The following ZNF529 variants were observed in gnomAD, a reference collection of about 807,000 sequenced individuals.
ZNF529 encodes zinc finger protein 529.
A neutral mutation model predicts 10.1 loss-of-function variants in ZNF529; 11 were observed. The observed-to-expected ratio is 1.09, with a 90% CI of 0.69 to 1.81. The LOEUF (loss-of-function observed/expected upper bound fraction) is 1.81, where lower values mean the gene tolerates loss of function less well. Among genes scored for constraint, ZNF529 ranks in the 40% most tolerant of loss-of-function variants. ZNF529 has a pLI of 0.00. For synonymous variants in ZNF529, 204 were observed against 215.7 expected (o/e 0.95, Z 0.47); for missense variants, 624 against 666.8 (o/e 0.94, Z 0.71).
Position 36,547,490 on chromosome 19 carries a change from A to G in ZNF529, c.1068T>C (p.His356=). The change falls in exon 5 of 5, where the codon CAT becomes CAC. Residue 356 remains histidine (H), a synonymous_variant. Transcript: ENST00000591340. ...GTTTCTCACCAGTGTGAATTCTCTG[A>G]TGTTCAATGAGCTGTGAACTAATTC... is the stretch of plus-strand genomic sequence containing the variant. ...VFRISSQLIE[H]QRIHTGEKPY... The G allele has an allele frequency of 1.2e-6, 2 of 1,613,434 alleles. No homozygotes were observed. Among genetic ancestry groups the G allele is most frequent in the Non-Finnish European group, 1.7e-6 (2 of 1,179,426 alleles).
At chr19:36,577,495 T>C (rs1274525556), upstream of ZNF529, 1 of 141,744 alleles carries the variant, frequency 7.1e-6, no homozygotes, top group Admixed American at 7.0e-5. Flanking sequence ...TTGTACTCTC[T>C]TTTTTTTTTT....
intron 2 of ZNF529, among the ~76,000 whole-genome samples, chr19:36,562,235 T>C (rs912956899): frequency 3.3e-5 from 5 of 151,780 alleles, no homozygotes; most frequent in African/African-American, 1.2e-4. Context: ...AAAAGAAATG[T>C]CTGCCTTATT....
chr19:36,565,987 T>G (rs1488305107), intron 2 of ZNF529, among the ~76,000 whole-genome samples: 2 of 152,142 alleles, frequency 1.3e-5, no homozygotes, highest in African/African-American at 4.8e-5. Context: ...GGTCTGGAAT[T>G]TTGTTTGTTT....
chr19:36,586,225 G>A (rs901482832), intron 2 of ZNF529, among the ~76,000 whole-genome samples: 4 of 152,110 alleles, frequency 2.6e-5, no homozygotes, highest in African/African-American at 9.7e-5. Context: ...CCACCTAATA[G>A]TACTAAAAAG....
chr19:36,584,270 GAT>G (rs1417088176), intron 2 of ZNF529, among the ~76,000 whole-genome samples: 1 of 152,138 alleles, frequency 6.6e-6, no homozygotes, highest in Non-Finnish European at 1.5e-5. Flanking sequence ...TTCAGACAAA[GAT>G]AAGGTTTTTT....
chr19:36,589,112 A>G (rs2036648499), intron 2 of ZNF529, among the ~76,000 whole-genome samples: 1 of 151,858 alleles, frequency 6.6e-6, no homozygotes, highest in African/African-American at 2.4e-5. Flanking sequence ...GGCACAGCTA[A>G]TTTTACTTTT....
chr19:36,556,029 T>G (rs2035457645), intron 3 of ZNF529, 75 bp downstream of exon 3: 3 of 1,464,148 alleles, frequency 2.0e-6, no homozygotes. Context: ...TGGTACAGGT[T>G]CTTTGACAGA....
At chr19:36,588,659 A>G (rs570790707) in intron 2 of ZNF529, among the ~76,000 whole-genome samples, 31 of 152,288 alleles carry the variant, frequency 2.0e-4, no homozygotes, top group Admixed American at 3.9e-4. Flanking sequence ...CATGACAAAT[A>G]TTAGGGAAAT....
At chr19:36,549,008 A>C (rs924523723) in intron 4 of ZNF529, among the ~76,000 whole-genome samples, 1 of 152,176 alleles carries the variant, frequency 6.6e-6, no homozygotes, top group African/African-American at 2.4e-5. Context: ...GTCTCAAAAA[A>C]AACCACCTCA....
At chr19:36,578,060 T>TA (rs2036370485), upstream of ZNF529, 2 of 30,920 alleles carry the variant, frequency 6.5e-5, no homozygotes, top group African/African-American at 4.2e-4. Flanking sequence ...GTGGGGGAGA[T>TA]TTTTTTTTTT....
chr19:36,572,266 C>T, intron 2 of ZNF529, 67 bp downstream of exon 2: 2 of 1,522,688 alleles, frequency 1.3e-6, no homozygotes, highest in African/African-American at 1.4e-5. Context: ...CCCATCTCTA[C>T]GGTCCTGTTG....
Position 36,578,796 on chromosome 19 carries a change from G to A in ZNF529, c.-41+10819C>T, listed in dbSNP as rs186108695. On this transcript the variant is annotated intron_variant, in intron 2 of 4. Transcript: ENST00000585960. ...TTGTGTTTTTAGTACAGATGGTTTC[G>A]CCATTTGACCAGGCTGGTCTCGAAC... 1.9e-4 allele frequency among the ~76,000 whole-genome samples: 29 copies of A among 151,710 alleles called. No individual in the cohort carries two copies. The South Asian group carries it at 2.5e-3, about 13-fold the overall frequency.
At chr19:36,568,012 GTAGACAT>G (rs1312511887) in intron 2 of ZNF529, among the ~76,000 whole-genome samples, 1 of 152,122 alleles carries the variant, frequency 6.6e-6, no homozygotes, top group Non-Finnish European at 1.5e-5. Flanking sequence ...AAAGACTTCA[GTAGACAT>G]TTCTTCATAA....
intron 1 of ZNF529, among the ~76,000 whole-genome samples, chr19:36,591,736 AG>A (rs888914157): frequency 2.0e-5 from 3 of 151,334 alleles, no homozygotes; most frequent in African/African-American, 7.3e-5. Context: ...AAAAAAAAAA[AG>A]GAAATTTAAT....
At chr19:36,559,465 T>C (rs1390371561) in intron 2 of ZNF529, among the ~76,000 whole-genome samples, 1 of 152,188 alleles carries the variant, frequency 6.6e-6, no homozygotes, top group East Asian at 1.9e-4. Context: ...TGTGGCACCA[T>C]GCCCAGCTAA....
At chr19:36,604,499 T>A (rs537116506) in intron 1 of ZNF529, among the ~76,000 whole-genome samples, 1 of 152,230 alleles carries the variant, frequency 6.6e-6, no homozygotes, top group East Asian at 1.9e-4. Flanking sequence ...AGAAACCACG[T>A]AACTTAAAAT....
At chr19:36,587,843 G>A (rs1017043678) in intron 2 of ZNF529, among the ~76,000 whole-genome samples, 1 of 152,172 alleles carries the variant, frequency 6.6e-6, no homozygotes, top group Non-Finnish European at 1.5e-5. Context: ...GTTGCCTAGG[G>A]CTGGAGGGCA....
chr19:36,567,457 G>C (rs946604293), intron 2 of ZNF529, among the ~76,000 whole-genome samples: 3 of 149,998 alleles, frequency 2.0e-5, no homozygotes, highest in Non-Finnish European at 3.0e-5. Flanking sequence ...TTTTTTTTTT[G>C]AGATGGAGTC....
intron 4 of ZNF529, among the ~76,000 whole-genome samples, chr19:36,550,355 C>T (rs957682096): frequency 6.6e-6 from 1 of 151,990 alleles, no homozygotes; most frequent in East Asian, 1.9e-4. Flanking sequence ...ACAGCCTGGC[C>T]AACATGGCGA....
Sources: gnomAD v4.1 joint callset for allele counts (sites outside exome capture counted in the v4.1 genomes callset) on GRCh38, gnomAD v4.1.1 for gene constraint, MANE v1.5 for transcripts, NCBI Gene and HGNC (gene_info 2026-07-23, HGNC 2026-07-21) for gene names.